RAI14: variants seen among roughly 807,000 people sequenced by gnomAD.
The protein encoded by RAI14 is ankycorbin.
In RAI14, 45 loss-of-function variants were observed where a neutral mutation model predicts 115.4. That is an observed-to-expected ratio of 0.39 (90% CI 0.31 to 0.50). The LOEUF is 0.50. Among genes scored for constraint, RAI14 ranks in the 20% least tolerant of loss-of-function variants. RAI14 has a pLI of 0.85. For synonymous variants in RAI14, 371 were observed against 415.4 expected (o/e 0.89, Z 1.30); for missense variants, 939 against 1,131.2 (o/e 0.83, Z 2.44).
At chr5:34,814,714 C>G (rs1339357742) in intron 12 of RAI14, 45 bp downstream of exon 12, 41 of 1,399,962 alleles carry the variant, frequency 2.9e-5, no homozygotes, top group Non-Finnish European at 4.1e-5. Context: ...TTTTAAGATA[C>G]ATGATAGACT....
chr5:34,802,473 G>A (rs150995973), intron 4 of RAI14, among the ~76,000 whole-genome samples: 13 of 152,260 alleles, frequency 8.5e-5, no homozygotes, highest in African/African-American at 3.1e-4. Flanking sequence ...GTGTGGTGGG[G>A]TGTCTGGTAG....
At chr5:34,723,960 T>G (rs1201074425) in intron 2 of RAI14, among the ~76,000 whole-genome samples, 1 of 152,216 alleles carries the variant, frequency 6.6e-6, no homozygotes, top group Non-Finnish European at 1.5e-5. Flanking sequence ...CTTTTTGCCT[T>G]AAGTATTATT....
At chr5:34,713,963 C>G (rs1236845655) in intron 2 of RAI14, among the ~76,000 whole-genome samples, 1 of 152,056 alleles carries the variant, frequency 6.6e-6, no homozygotes, top group African/African-American at 2.4e-5. Flanking sequence ...TGCCACCACG[C>G]CTGGCTAATT....
In RAI14 at chr5:34,746,261, A is replaced by G. The variant is rs1418165199; in HGVS notation, c.37-11207A>G. Among the ~76,000 whole-genome samples, 7 of 151,858 alleles carry G rather than the reference A, an allele frequency of 4.6e-5. No individual in the cohort carries two copies. In the East Asian group the frequency reaches 5.8e-4, roughly 13 times the overall value. ...GCTGGGACTACAGGTGCCTGCCACC[A>G]TGCCCGGCTAATTTTTTGTATTTTT... On this transcript the variant is annotated intron_variant, in intron 2 of 17. Coordinates refer to ENST00000265109, the MANE Select transcript of RAI14 (RefSeq NM_015577.3).
chr5:34,807,866 C>T lies in RAI14; in HGVS notation c.379+9C>T, dbSNP rs777184845. ...AGCTTTACATTATGCAGGTAACTTTCATTCTCCTATTTGTCTTCTTCTGCC... is the reference window on the plus strand; with the variant it reads ...AGCTTTACATTATGCAGGTAACTTTTATTCTCCTATTTGTCTTCTTCTGCC... On this transcript the variant is annotated intron_variant, in intron 6 of 17. Coordinates refer to ENST00000265109, the MANE Select transcript of RAI14 (RefSeq NM_015577.3). The T allele has an allele frequency of 8.1e-6, 13 of 1,605,358 alleles. No individual in the cohort carries two copies. In the East Asian group the frequency reaches 1.1e-4, roughly 14 times the overall value.
chr5:34,798,422 C>T (rs1256126139), intron 4 of RAI14, among the ~76,000 whole-genome samples: 1 of 151,160 alleles, frequency 6.6e-6, no homozygotes, highest in South Asian at 2.1e-4. Flanking sequence ...GAAGATAACT[C>T]AAGTTCCTAC....
At chr5:34,738,574 TG>T (rs1466383689) in intron 2 of RAI14, among the ~76,000 whole-genome samples, 1 of 152,184 alleles carries the variant, frequency 6.6e-6, no homozygotes, top group Non-Finnish European at 1.5e-5. Context: ...TGACACCAAG[TG>T]GGAATCAGGT....
chr5:34,751,826 T>C (rs1210915354), intron 2 of RAI14, among the ~76,000 whole-genome samples: 1 of 152,160 alleles, frequency 6.6e-6, no homozygotes, highest in Non-Finnish European at 1.5e-5. Context: ...TACAAGAAAA[T>C]AGTGAAGAAT....
intron 2 of RAI14, among the ~76,000 whole-genome samples, chr5:34,736,918 G>A (rs10454860): frequency 0.62 from 94,454 of 152,048 alleles, 29,681 homozygotes; most frequent in African/African-American, 0.66. Context: ...GGCCTGTTAG[G>A]AGCCAGGCTG....
chr5:34,783,157 C>T (rs112579779), intron 3 of RAI14, among the ~76,000 whole-genome samples: 3 of 152,340 alleles, frequency 2.0e-5, no homozygotes, highest in African/African-American at 7.2e-5. Context: ...ATACTCAAGG[C>T]AGTGGTGATC....
chr5:34,818,285 A>G (rs567965451), intron 12 of RAI14, among the ~76,000 whole-genome samples: 6 of 152,350 alleles, frequency 3.9e-5, no homozygotes, highest in African/African-American at 1.4e-4. Flanking sequence ...CCAATCTGAG[A>G]CCATATGATA....
chr5:34,742,909 G>A (rs1449094713), intron 2 of RAI14, among the ~76,000 whole-genome samples: 2 of 152,132 alleles, frequency 1.3e-5, no homozygotes. Context: ...TGATCCACCC[G>A]CCTTGGCCTC....
At chr5:34,820,158 C>T (rs1229113116) in intron 13 of RAI14, among the ~76,000 whole-genome samples, 1 of 152,156 alleles carries the variant, frequency 6.6e-6, no homozygotes, top group Non-Finnish European at 1.5e-5. Flanking sequence ...CATTTTGCAT[C>T]CTTCCAAGTT....
At chr5:34,768,144 C>A (rs1456505068) in intron 3 of RAI14, among the ~76,000 whole-genome samples, 1 of 150,934 alleles carries the variant, frequency 6.6e-6, no homozygotes, top group Non-Finnish European at 1.5e-5. Context: ...CTGCACAAGA[C>A]CATGGGAGCC....
Position 34,768,796 on chromosome 5 carries a change from C to G in RAI14, c.167+11198C>G, listed in dbSNP as rs1749762859. 5.3e-5 allele frequency among the ~76,000 whole-genome samples: 8 copies of G among 152,176 alleles called. No individual in the cohort carries two copies. The South Asian group carries it at 1.7e-3, about 32-fold the overall frequency. ...TTGAGGTCAGAAGTTCAAGACCAGC[C>G]TGGCCAACATGGTGAAATGCCGTCT... On this transcript the variant is annotated intron_variant, in intron 3 of 17. Coordinates refer to ENST00000265109, the MANE Select transcript of RAI14 (RefSeq NM_015577.3).
At chr5:34,668,767 G>C (rs2149851825) in intron 1 of RAI14, among the ~76,000 whole-genome samples, 1 of 152,146 alleles carries the variant, frequency 6.6e-6, no homozygotes, top group South Asian at 2.1e-4. Context: ...GATTTTCTTG[G>C]AGTGTGTTTT....
intron 16 of RAI14, among the ~76,000 whole-genome samples, chr5:34,828,098 G>A (rs1355520932): frequency 2.6e-5 from 4 of 152,198 alleles, no homozygotes; most frequent in South Asian, 2.1e-4. Context: ...AATCTGGACC[G>A]CAGTAGACTG....
Position 34,832,044 on chromosome 5 carries a change from T to C in RAI14, c.*1279T>C, listed in dbSNP as rs913834782. 3.3e-5 allele frequency: 5 copies of C among 152,256 alleles called. No homozygotes were observed. The highest frequency in any genetic ancestry group is 1.2e-4 in the African/African-American group (5 of 41,464). The allele number at this position is 152,256 out of a possible 1,614,324, so 9.4% of individuals were successfully genotyped here. A position where few individuals can be genotyped will look rare whatever the true frequency, so the allele number is the denominator to read the frequency against. On this transcript the variant is annotated 3_prime_UTR_variant, in exon 18 of 18. Transcript: ENST00000265109. Reference sequence around the variant, plus strand: ...GGAAAAAAAATATTTCTGTTCACTTTACTTTCAGGTTAAAAATGTTTCTAA... The same window carrying C: ...GGAAAAAAAATATTTCTGTTCACTTCACTTTCAGGTTAAAAATGTTTCTAA...
intron 17 of RAI14, among the ~76,000 whole-genome samples, chr5:34,830,049 A>C (rs1204952474): frequency 6.6e-6 from 1 of 152,074 alleles, no homozygotes; most frequent in Non-Finnish European, 1.5e-5. Context: ...GTAATGGCAT[A>C]ATCTCGCCTC....
Sources: gnomAD v4.1 joint callset for allele counts (sites outside exome capture counted in the v4.1 genomes callset) on GRCh38, gnomAD v4.1.1 for gene constraint, MANE v1.5 for transcripts, NCBI Gene and HGNC (gene_info 2026-07-23, HGNC 2026-07-21) for gene names.